OTOG: variants seen among roughly 807,000 people sequenced by gnomAD.
The protein encoded by OTOG is otogelin.
A neutral mutation model predicts 313.8 loss-of-function variants in OTOG; 296 were observed. That is an observed-to-expected ratio of 0.94 (90% CI 0.86 to 1.04). The LOEUF (loss-of-function observed/expected upper bound fraction) is 1.04. OTOG is among the 50% of genes least tolerant of loss of function. OTOG has a pLI of 0.00. For missense variants in OTOG, 3,948 were observed against 3,840.1 expected (o/e 1.03, Z -0.74); for synonymous variants, 1,533 against 1,554.9 (o/e 0.99, Z 0.33).
chr11:17,613,327 C>CCCTCCCTT (rs1853637768), intron 38 of OTOG, among the ~76,000 whole-genome samples: 2 of 102,390 alleles, frequency 2.0e-5, no homozygotes, highest in Admixed American at 1.0e-4. Context: ...CTCTGCCCTG[C>CCCTCCCTT]CCTTCCTTCC....
At chr11:17,597,137 C>A in intron 30 of OTOG, 130 bp downstream of exon 30, 2 of 1,206,064 alleles carry the variant, frequency 1.7e-6, no homozygotes, top group Non-Finnish European at 2.2e-6. Context: ...CTGCTTTGGG[C>A]GTGTTATTCA....
chr11:17,561,914 C>G, intron 15 of OTOG, 107 bp downstream of exon 15: 1 of 1,343,282 alleles, frequency 7.4e-7, no homozygotes, highest in Non-Finnish European at 1.0e-6. Flanking sequence ...ATGGCCCCCA[C>G]CTGCTGCCTC....
chr11:17,554,858 G>C (rs1796558468), intron 6 of OTOG, among the ~76,000 whole-genome samples: 1 of 152,214 alleles, frequency 6.6e-6, no homozygotes, highest in South Asian at 2.1e-4. Flanking sequence ...ATTAAAAAAT[G>C]AGACAAATAA....
chr11:17,644,387 G>A (rs1848032613), intron 54 of OTOG, among the ~76,000 whole-genome samples: 1 of 152,272 alleles, frequency 6.6e-6, no homozygotes, highest in African/African-American at 2.4e-5. Context: ...CCTCTGTGGT[G>A]AGGCTCAGAG....
intron 39 of OTOG, among the ~76,000 whole-genome samples, chr11:17,623,131 A>G (rs1441392465): frequency 6.6e-6 from 1 of 152,048 alleles, no homozygotes; most frequent in Non-Finnish European, 1.5e-5. Context: ...TGCCATTTGG[A>G]TGTCTTATTT....
At chr11:17,621,058 CGTGT>C (rs1481070787) in intron 39 of OTOG, among the ~76,000 whole-genome samples, 1 of 152,002 alleles carries the variant, frequency 6.6e-6, no homozygotes, top group Non-Finnish European at 1.5e-5. Context: ...CCTTGTCTAC[CGTGT>C]GTGTCATTTC....
intron 14 of OTOG, 111 bp downstream of exon 14, chr11:17,561,248 C>A: frequency 8.0e-7 from 1 of 1,243,768 alleles, no homozygotes; most frequent in Non-Finnish European, 1.1e-6. Flanking sequence ...TCACTCAGTT[C>A]CATTGGCTAC....
chr11:17,594,122 C>A lies in OTOG; in HGVS notation c.3364C>A (p.Leu1122Ile). The change falls in exon 28 of 56, where the codon CTA becomes ATA. Residue 1122 changes from leucine (L) to isoleucine (I), a missense_variant. Coordinates refer to ENST00000399397, the MANE Select transcript of OTOG (RefSeq NM_001292063.2). ...GATGAGGACCCCGGAGAACCTAGAGCTAACTAACCCCCAGGAGTTTGGCAG... is the reference window on the plus strand; with the variant it reads ...GATGAGGACCCCGGAGAACCTAGAGATAACTAACCCCCAGGAGTTTGGCAG... The part of the protein sequence containing the change: ...NEMRTPENLE[L>I]TNPQEFGSSW... 6.4e-7 allele frequency: 1 copy of A among 1,550,626 alleles called. No individual in the cohort carries two copies. The highest frequency in any genetic ancestry group is 8.7e-7 in the Non-Finnish European group (1 of 1,147,000).
chr11:17,623,702 A>C (rs1031007257), intron 39 of OTOG, among the ~76,000 whole-genome samples: 1 of 152,166 alleles, frequency 6.6e-6, no homozygotes, highest in African/African-American at 2.4e-5. Flanking sequence ...TTGTGTTTTT[A>C]GGTCTTTGAG....
chr11:17,581,626 G>A (rs545594339), intron 23 of OTOG, among the ~76,000 whole-genome samples: 24 of 152,030 alleles, frequency 1.6e-4, no homozygotes, highest in South Asian at 1.2e-3. Flanking sequence ...GAAGTGTTGC[G>A]TAATTTATAT....
chr11:17,576,172 A>C (rs1437948511), intron 20 of OTOG, among the ~76,000 whole-genome samples: 2 of 152,346 alleles, frequency 1.3e-5, no homozygotes, highest in East Asian at 3.9e-4. Context: ...GTGAGTGACC[A>C]GGACACCTGT....
intron 23 of OTOG, among the ~76,000 whole-genome samples, chr11:17,584,125 T>C (rs1852737566): frequency 6.6e-6 from 1 of 152,232 alleles, no homozygotes. Flanking sequence ...AATATAGAAA[T>C]ACAGTCGATT....
intron 22 of OTOG, among the ~76,000 whole-genome samples, chr11:17,577,934 GC>G (rs1247290884): frequency 2.0e-5 from 3 of 152,028 alleles, no homozygotes; most frequent in South Asian, 4.2e-4. Flanking sequence ...GAGTCCTCTG[GC>G]CCCCTGCCAC....
chr11:17,618,092 G>T (rs1047068672), intron 39 of OTOG, among the ~76,000 whole-genome samples: 3 of 151,954 alleles, frequency 2.0e-5, no homozygotes, highest in African/African-American at 7.3e-5. Context: ...TAGTAGAGAC[G>T]GGGTTTCACC....
chr11:17,560,925 G>A, intron 13 of OTOG, 108 bp downstream of exon 13: 6 of 1,178,202 alleles, frequency 5.1e-6, no homozygotes, highest in Non-Finnish European at 7.4e-6. Context: ...CACTCACTCA[G>A]TACCTTTGAG....
Position 17,586,562 on chromosome 11 carries a change from A to G in OTOG, c.2848A>G (p.Met950Val). Residue 950 changes from methionine (M) to valine (V), a missense_variant, in exon 24 of 56, where the codon ATG (methionine) becomes GTG (valine). By Grantham distance (21) the Met-to-Val change is conservative (BLOSUM62 1). Coordinates refer to ENST00000399397, the MANE Select transcript of OTOG (RefSeq NM_001292063.2). ...GGAGTATTTCCCTGGGGACCAGGTGATGTCTCCTTGCCATACCTGGTAAGT... is the reference window on the plus strand; with the variant it reads ...GGAGTATTTCCCTGGGGACCAGGTGGTGTCTCCTTGCCATACCTGGTAAGT... Reference protein sequence around the residue: ...GKEYFPGDQVMSPCHTCVCQR... With the variant: ...GKEYFPGDQVVSPCHTCVCQR... The G allele has an allele frequency of 2.8e-6, 4 of 1,414,744 alleles. No individual in the cohort carries two copies. Among genetic ancestry groups the G allele is most frequent in the Non-Finnish European group, 3.7e-6 (4 of 1,079,920 alleles). The allele number at this position is 1,414,744 out of a possible 1,614,324, so 87.6% of individuals were successfully genotyped here. A position where few individuals can be genotyped will look rare whatever the true frequency, so the allele number is the denominator to read the frequency against.
chr11:17,636,240 T>C (rs1263194679), intron 47 of OTOG, among the ~76,000 whole-genome samples: 1 of 152,196 alleles, frequency 6.6e-6, no homozygotes, highest in Non-Finnish European at 1.5e-5. Flanking sequence ...ACATGTATAG[T>C]ATGTGCATAT....
chr11:17,558,384 T>A (rs1170544441), intron 9 of OTOG, 69 bp downstream of exon 9: 2 of 1,535,558 alleles, frequency 1.3e-6, no homozygotes, highest in Non-Finnish European at 1.8e-6. Flanking sequence ...CGAAAGCCAC[T>A]GGCTGTGGCA....
intron 42 of OTOG, among the ~76,000 whole-genome samples, chr11:17,632,900 A>G (rs1472641197): frequency 6.6e-6 from 1 of 152,248 alleles, no homozygotes; most frequent in Non-Finnish European, 1.5e-5. Flanking sequence ...TGTTCTTCAA[A>G]CTGTGGATCC....
Sources: allele counts gnomAD v4.1 joint callset (sites outside exome capture counted in the v4.1 genomes callset), GRCh38; gene constraint gnomAD v4.1.1; transcripts MANE v1.5; gene names NCBI Gene and HGNC (gene_info 2026-07-23, HGNC 2026-07-21).